The following CAPN5 variants were observed in gnomAD, a reference collection of about 807,000 sequenced individuals.
CAPN5 encodes calpain-5.
In CAPN5, 54 loss-of-function variants were observed where a neutral mutation model predicts 73.0. The ratio of observed to expected loss-of-function variants is 0.74; its 90% CI spans 0.59 to 0.93. The LOEUF (loss-of-function observed/expected upper bound fraction) is 0.93, where lower values mean the gene tolerates loss of function less well. Ranked by LOEUF, CAPN5 falls within the 40% of genes least tolerant of loss-of-function variation. CAPN5 has a pLI of 0.00. For missense variants in CAPN5, 785 were observed against 882.9 expected (o/e 0.89, Z 1.41); for synonymous variants, 335 against 356.9 (o/e 0.94, Z 0.69).
intron 10 of CAPN5, 87 bp downstream of exon 10, chr11:77,120,996 AGT>A: frequency 1.5e-6 from 2 of 1,308,496 alleles, no homozygotes; most frequent in South Asian, 2.7e-5. Context: ...AGAGATGCTC[AGT>A]GTCTCTGGGC....
chr11:77,091,073 C>T (rs1555036444), intron 2 of CAPN5, among the ~76,000 whole-genome samples: 1 of 152,190 alleles, frequency 6.6e-6, no homozygotes, highest in East Asian at 1.9e-4. Context: ...GCTGCTCATG[C>T]CCTTGGGGGA....
At chr11:77,119,862 A>G (rs188030603) in intron 9 of CAPN5, 1 of 152,444 alleles carries the variant, frequency 6.6e-6, no homozygotes, top group Admixed American at 6.5e-5. Flanking sequence ...TGACTTTGCC[A>G]TGTGACGATC....
intron 2 of CAPN5, among the ~76,000 whole-genome samples, chr11:77,089,419 C>T (rs1950126144): frequency 6.6e-6 from 1 of 152,258 alleles, no homozygotes; most frequent in Non-Finnish European, 1.5e-5. Context: ...TCTCAAGATC[C>T]CTGCCTGTGG....
chr11:77,122,572 C>T lies in CAPN5; in HGVS notation c.1604-4C>T. 6.2e-7 allele frequency: 1 copy of T among 1,606,652 alleles called. No individual in the cohort carries two copies. The highest frequency in any genetic ancestry group is 1.1e-5 in the South Asian group (1 of 90,048). ...TCACCCCATCTCCCACTCCCTCTCC[C>T]TAGGGGCTAACTCTTATGTGATCAT... On this transcript the variant is annotated splice_polypyrimidine_tract_variant and splice_region_variant and intron_variant, in intron 11 of 12. Transcript: ENST00000648180.
chr11:77,109,611 T>C (rs1950390633), intron 3 of CAPN5, among the ~76,000 whole-genome samples: 1 of 152,200 alleles, frequency 6.6e-6, no homozygotes, highest in African/African-American at 2.4e-5. Context: ...TTCCTTGGTT[T>C]CCGGCGTGGC....
intron 3 of CAPN5, among the ~76,000 whole-genome samples, chr11:77,109,379 G>C (rs1016278433): frequency 2.6e-5 from 4 of 151,862 alleles, no homozygotes; most frequent in Admixed American, 1.3e-4. Flanking sequence ...TAATTTTCCA[G>C]TTTAAAAAAA....
rs1950053631 is a variant in CAPN5 at position 77,083,867 on chromosome 11, A to T, written c.-35-985A>T. ...ACTCACACCAGTCTTGATCTCAGAT[A>T]TCACTCCCACAGCCAGCCTGCCTTG... On this transcript the variant is annotated intron_variant, in intron 1 of 12. Coordinates refer to ENST00000648180, the MANE Select transcript of CAPN5 (RefSeq NM_004055.5). Among the ~76,000 whole-genome samples the T allele has an allele frequency of 2.0e-5, 3 of 152,282 alleles. No homozygotes were observed. The South Asian group carries it at 6.2e-4, about 32-fold the overall frequency.
At chr11:77,115,332 C>T (rs927688020) in intron 5 of CAPN5, 63 bp from the exon 6 acceptor site, 1 of 1,414,458 alleles carries the variant, frequency 7.1e-7, no homozygotes, top group Admixed American at 2.0e-5. Flanking sequence ...CCTCCAGCAC[C>T]TGAGTCCCTG....
intron 2 of CAPN5, among the ~76,000 whole-genome samples, chr11:77,087,417 C>T (rs1005025275): frequency 6.6e-6 from 1 of 152,326 alleles, no homozygotes; most frequent in East Asian, 1.9e-4. Context: ...AATGAGAAGT[C>T]GTGCTGCATG....
chr11:77,068,082 G>C (rs370988949), intron 1 of CAPN5, among the ~76,000 whole-genome samples: 63 of 152,274 alleles, frequency 4.1e-4, no homozygotes, highest in African/African-American at 1.3e-3. Context: ...AGGGGCTTAC[G>C]GGTGAGGCTC....
Position 77,103,023 on chromosome 11 carries a change from C to T in CAPN5, c.297+9210C>T, listed in dbSNP as rs782674102. On this transcript the variant is annotated intron_variant, in intron 3 of 12. Coordinates refer to ENST00000648180, the MANE Select transcript of CAPN5 (RefSeq NM_004055.5). ...CCGCCTCAACTTCACCCAGCAGCAG[C>T]GGCTACAGTTCGAGCGCTGGAATGT... 1.1e-5 allele frequency: 17 copies of T among 1,613,462 alleles called. No individual in the cohort carries two copies. The highest frequency in any genetic ancestry group is 8.3e-5 in the Admixed American group (5 of 60,008).
chr11:77,119,008 C>G (rs1555042227), intron 8 of CAPN5, 22 bp from the exon 9 acceptor site: 1 of 1,600,570 alleles, frequency 6.2e-7, no homozygotes, highest in South Asian at 1.1e-5. Flanking sequence ...GTGTCTCTCT[C>G]TCTCCTTGGC....
At chr11:77,122,448 A>G (rs1950529753) in intron 11 of CAPN5, 128 bp from the exon 12 acceptor site, 2 of 780,998 alleles carry the variant, frequency 2.6e-6, no homozygotes, top group Non-Finnish European at 4.2e-6. Flanking sequence ...AGGGGCCCTG[A>G]GGTGGGTCAG....
At chr11:77,082,726 C>T (rs1950040822) in intron 1 of CAPN5, among the ~76,000 whole-genome samples, 2 of 152,192 alleles carry the variant, frequency 1.3e-5, no homozygotes, top group Admixed American at 1.3e-4. Flanking sequence ...ACCTCCCTTC[C>T]ATCCTCCCCA....
Position 77,112,733 on chromosome 11 carries a change from A to G in CAPN5, c.442A>G (p.Ile148Val). ...GCTGCCCACAGTCAACAACCAGCTC[A>G]TCTACTGCCACTCCAACTCCCGCAA... ...DRLPTVNNQL[I>V]YCHSNSRNEF... The change falls in exon 4 of 13, where the codon ATC (isoleucine) becomes GTC (valine). Residue 148 changes from isoleucine to valine, a missense_variant. Transcript: ENST00000648180. The G allele has an allele frequency of 1.2e-6, 2 of 1,614,116 alleles. No individual in the cohort carries two copies. The highest frequency in any genetic ancestry group is 1.7e-6 in the Non-Finnish European group (2 of 1,179,948).
intron 1 of CAPN5, among the ~76,000 whole-genome samples, chr11:77,071,940 C>T (rs78639277): frequency 0.025 from 3,750 of 152,332 alleles, 159 homozygotes; most frequent in African/African-American, 0.085. Context: ...CGGACCTGCC[C>T]CTGTGTGAGT....
At chr11:77,115,348 G>C in intron 5 of CAPN5, 47 bp from the exon 6 acceptor site, 2 of 1,513,408 alleles carry the variant, frequency 1.3e-6, no homozygotes, top group Non-Finnish European at 1.8e-6. Flanking sequence ...CCCTGGTCTG[G>C]GTTCCAGTGT....
At chr11:77,098,104 C>G (rs1471633862) in intron 3 of CAPN5, among the ~76,000 whole-genome samples, 10 of 69,932 alleles carry the variant, frequency 1.4e-4, no homozygotes, top group African/African-American at 1.8e-4. Flanking sequence ...GGGGGGCTGA[C>G]CCCCCCACCT....
chr11:77,112,555 G>T, intron 3 of CAPN5, 34 bp from the exon 4 acceptor site: 1 of 1,543,598 alleles, frequency 6.5e-7, no homozygotes, highest in Non-Finnish European at 8.9e-7. Flanking sequence ...CCCTCACTGT[G>T]TTCCCCCATC....
Sources: gnomAD v4.1 joint callset for allele counts (sites outside exome capture counted in the v4.1 genomes callset) on GRCh38, gnomAD v4.1.1 for gene constraint, MANE v1.5 for transcripts, NCBI Gene and HGNC (gene_info 2026-07-23, HGNC 2026-07-21) for gene names.